Variants in TAB2 observed in about 807,000 individuals in gnomAD.
The protein encoded by TAB2 is TGF-beta-activated kinase 1 and MAP3K7-binding protein 2.
Under a neutral mutation model 65.0 loss-of-function variants are expected in TAB2, and 3 were observed. The observed-to-expected ratio is 0.05, with a 90% confidence interval of 0.02 to 0.12. The LOEUF (loss-of-function observed/expected upper bound fraction) is 0.12, where lower values mean the gene tolerates loss of function less well. Ranked by LOEUF, TAB2 falls within the 10% of genes least tolerant of loss-of-function variation. The probability of loss-of-function intolerance (pLI) is 1.00; values close to 1 mark genes in which losing one functional copy is unlikely to be tolerated. For missense variants in TAB2, 623 were observed against 840.3 expected (o/e 0.74, Z 3.20); for synonymous variants, 298 against 285.1 (o/e 1.05, Z -0.46).
rs1782824034 is a variant in TAB2, at chr6:149,410,682, C to T, written c.*963C>T. 1 of 152,616 alleles carries T rather than the reference C, an allele frequency of 6.6e-6. No individual in the cohort carries two copies. The highest frequency in any genetic ancestry group is 2.4e-5 in the African/African-American group (1 of 41,416). 9.5% of individuals were successfully genotyped at this position (152,616 alleles called of 1,614,324 possible). On this transcript the variant is annotated 3_prime_UTR_variant, in exon 7 of 7. Coordinates refer to ENST00000637181, the MANE Select transcript of TAB2 (RefSeq NM_001292034.3). ...TATTACAGAAGTGATGTCTGTAGGT[C>T]ACATTAAATACTGACTTGAGCAGTG... is the stretch of plus-strand genomic sequence containing the variant.
chr6:149,270,065 G>C (rs1211978993), intron 1 of TAB2, among the ~76,000 whole-genome samples: 1 of 152,240 alleles, frequency 6.6e-6, no homozygotes, highest in Non-Finnish European at 1.5e-5. Context: ...ATCAGCAATA[G>C]ATGAGAGTTC....
chr6:149,296,061 A>C (rs1252284760), intron 1 of TAB2, among the ~76,000 whole-genome samples: 1 of 152,176 alleles, frequency 6.6e-6, no homozygotes, highest in African/African-American at 2.4e-5. Flanking sequence ...AAGCCATTGC[A>C]CCAGGCCATG....
At chr6:149,289,161 C>T (rs548808246) in intron 1 of TAB2, among the ~76,000 whole-genome samples, 5 of 152,016 alleles carry the variant, frequency 3.3e-5, no homozygotes, top group Non-Finnish European at 4.4e-5. Context: ...GCCAGGTCAA[C>T]GTGATTCTTT....
At chr6:149,254,150 A>AAAGGAAAGAAAAGG (rs1554254318) in intron 1 of TAB2, among the ~76,000 whole-genome samples, 97 of 145,778 alleles carry the variant, frequency 6.7e-4, no homozygotes, top group Non-Finnish European at 7.7e-4. Flanking sequence ...GAAAGGAAAG[A>AAAGGAAAGAAAAGG]AAAGGAAAGG....
chr6:149,224,323 T>G (rs1481229724), intron 1 of TAB2, among the ~76,000 whole-genome samples: 2 of 152,208 alleles, frequency 1.3e-5, no homozygotes, highest in African/African-American at 4.8e-5. Context: ...AGCCAAAGCC[T>G]CCCTTTTTAG....
Position 149,290,839 on chromosome 6 carries a change from C to G in TAB2, c.-121+72063C>G, listed in dbSNP as rs571678880. On this transcript the variant is annotated intron_variant, in intron 1 of 1. Coordinates refer to the TAB2 transcript ENST00000606202. ...CAGCCTGGGCAACAGGAGTGAAACC[C>G]TGTCTCAAAAACAAAAATAAAAAAG... is the stretch of plus-strand genomic sequence containing the variant. Among the ~76,000 whole-genome samples, 14 of 152,232 alleles carry G rather than the reference C, an allele frequency of 9.2e-5. No individual in the cohort carries two copies. In the East Asian group the frequency reaches 2.7e-3, roughly 29 times the overall value.
At chr6:149,403,321 CATATATAT>C (rs1252306211) in intron 6 of TAB2, among the ~76,000 whole-genome samples, 4 of 65,664 alleles carry the variant, frequency 6.1e-5, no homozygotes, top group African/African-American at 2.3e-4. Context: ...TATACACACA[CATATATAT>C]ACATATATAT....
chr6:149,239,519 A>G (rs968604861), intron 1 of TAB2, among the ~76,000 whole-genome samples: 12 of 152,258 alleles, frequency 7.9e-5, no homozygotes, highest in African/African-American at 2.7e-4. Context: ...TTTCCACAAG[A>G]AAAGCATATG....
intron 1 of TAB2, among the ~76,000 whole-genome samples, chr6:149,327,912 C>T (rs535226007): frequency 6.6e-6 from 1 of 152,164 alleles, no homozygotes; most frequent in East Asian, 1.9e-4. Context: ...AATTGTTTGG[C>T]CTGCATGAGA....
chr6:149,218,318 T>C (rs1411877781), upstream of TAB2, among the ~76,000 whole-genome samples: 4 of 152,192 alleles, frequency 2.6e-5, no homozygotes, highest in Non-Finnish European at 1.5e-5. Context: ...AAAAGAACAC[T>C]GCACATGTTT....
At chr6:149,384,797 T>A (rs1211891047) in intron 3 of TAB2, among the ~76,000 whole-genome samples, 2 of 152,158 alleles carry the variant, frequency 1.3e-5, no homozygotes, top group Non-Finnish European at 2.9e-5. Context: ...GGACAAAGCA[T>A]TCCAACAAAT....
At chr6:149,328,293 C>T (rs6932778) in intron 1 of TAB2, among the ~76,000 whole-genome samples, 31,067 of 152,092 alleles carry the variant, frequency 0.2, 3,366 homozygotes, top group Non-Finnish European at 0.22. Context: ...CTCATCTCTA[C>T]ATTCTGTTTG....
chr6:149,295,744 T>C (rs888430159), intron 1 of TAB2, among the ~76,000 whole-genome samples: 17 of 152,148 alleles, frequency 1.1e-4, no homozygotes, highest in African/African-American at 4.1e-4. Flanking sequence ...CTCTTCTCTG[T>C]TATACTTATC....
At chr6:149,371,215 A>ATTATCACCT (rs1781217451) in intron 2 of TAB2, among the ~76,000 whole-genome samples, 2 of 152,196 alleles carry the variant, frequency 1.3e-5, no homozygotes, top group South Asian at 4.1e-4. Flanking sequence ...CCTTATCACC[A>ATTATCACCT]TTATCACCTT....
At chr6:149,302,615 A>T (rs941455285) in intron 1 of TAB2, among the ~76,000 whole-genome samples, 8 of 152,168 alleles carry the variant, frequency 5.3e-5, no homozygotes, top group African/African-American at 1.4e-4. Context: ...ATGATGGAGG[A>T]GTCCACGTCT....
At chr6:149,309,945 T>C (rs975818189) in intron 1 of TAB2, among the ~76,000 whole-genome samples, 5 of 152,012 alleles carry the variant, frequency 3.3e-5, no homozygotes, top group Non-Finnish European at 7.4e-5. Flanking sequence ...CTATACACAT[T>C]GTTCTGCAAC....
intron 1 of TAB2, among the ~76,000 whole-genome samples, chr6:149,240,016 G>A (rs1777568733): frequency 6.7e-6 from 1 of 148,704 alleles, no homozygotes; most frequent in Non-Finnish European, 1.5e-5. Context: ...GCTATGGACA[G>A]CCCTGGGATT....
chr6:149,325,886 C>G lies in TAB2; in HGVS notation c.-90+7871C>G, dbSNP rs143329040. Among the ~76,000 whole-genome samples, 600 of 152,224 alleles carry G rather than the reference C, an allele frequency of 3.9e-3. 6 individuals are homozygous for G. The highest frequency in any genetic ancestry group is 0.019 in the South Asian group (93 of 4,830). On this transcript the variant is annotated intron_variant, in intron 1 of 6. Transcript: ENST00000637181. ...TTCCAAGTAGCTGGGATTACAGATG[C>G]GTACCACAACGCTCAGCTTACTTTT...
intron 1 of TAB2, among the ~76,000 whole-genome samples, chr6:149,318,975 G>A (rs759344269): frequency 6.6e-6 from 1 of 152,194 alleles, no homozygotes; most frequent in South Asian, 2.1e-4. Flanking sequence ...ACGAAATTTA[G>A]GCCCCCAGTG....
Sources: gnomAD v4.1 joint callset for allele counts (sites outside exome capture counted in the v4.1 genomes callset) on GRCh38, gnomAD v4.1.1 for gene constraint, MANE v1.5 for transcripts, NCBI Gene and HGNC (gene_info 2026-07-23, HGNC 2026-07-21) for gene names.